KCNJ6: variants seen among roughly 807,000 people sequenced by gnomAD.
KCNJ6 encodes potassium inwardly rectifying channel subfamily J member 6, also known as G protein-activated inward rectifier potassium channel 2.
In KCNJ6, 9 loss-of-function variants were observed where a neutral mutation model predicts 34.2. The observed-to-expected ratio is 0.26, with a 90% CI of 0.16 to 0.46. The LOEUF (loss-of-function observed/expected upper bound fraction) is 0.46, where lower values mean the gene tolerates loss of function less well. Ranked by LOEUF, KCNJ6 falls within the 20% of genes least tolerant of loss-of-function variation. The pLI, the probability that KCNJ6 is intolerant of heterozygous loss-of-function variation, is 1.00. For missense variants in KCNJ6, 236 were observed against 531.3 expected, an observed-to-expected ratio of 0.44 and a Z score of 5.46; for synonymous variants, 196 against 207.1, an observed-to-expected ratio of 0.95 and a Z score of 0.46.
intron 3 of KCNJ6, among the ~76,000 whole-genome samples, chr21:37,636,495 T>C (rs905154352): frequency 5.3e-5 from 8 of 152,220 alleles, no homozygotes; most frequent in African/African-American, 1.9e-4. Flanking sequence ...TAGTTATTCT[T>C]CCAAGAGTTA....
intron 2 of KCNJ6, among the ~76,000 whole-genome samples, chr21:37,816,978 G>T (rs919844332): frequency 6.6e-6 from 1 of 152,122 alleles, no homozygotes; most frequent in Non-Finnish European, 1.5e-5. Flanking sequence ...CATGTTTTTG[G>T]ATCCTTGATG....
chr21:37,729,662 G>A (rs1446143175), intron 2 of KCNJ6, among the ~76,000 whole-genome samples: 2 of 152,336 alleles, frequency 1.3e-5, no homozygotes, highest in African/African-American at 2.4e-5. Context: ...AATCAGGACT[G>A]TCTACAGTTA....
Position 37,683,497 on chromosome 21 carries a change from G to C in KCNJ6, c.946+30714C>G, listed in dbSNP as rs186999357. Among the ~76,000 whole-genome samples, 104 of 152,174 alleles carry C rather than the reference G, an allele frequency of 6.8e-4. 1 individual carries two copies. The highest frequency in any genetic ancestry group is 2.4e-3 in the African/African-American group (98 of 41,500). On this transcript the variant is annotated intron_variant, in intron 3 of 3. Coordinates refer to ENST00000609713, the MANE Select transcript of KCNJ6 (RefSeq NM_002240.5). ...TCTCTACCCTCTCTTCCTTCTTTAA[G>C]CCCACTGGCTTCTTTAGTTTTTATT...
intron 1 of KCNJ6, among the ~76,000 whole-genome samples, chr21:37,881,390 T>C (rs1017176354): frequency 2.0e-5 from 3 of 152,146 alleles, no homozygotes; most frequent in African/African-American, 7.2e-5. Context: ...CAGGGGTCAG[T>C]TCCTGGTAAG....
At chr21:37,732,908 T>G (rs1178095038) in intron 2 of KCNJ6, among the ~76,000 whole-genome samples, 1 of 152,124 alleles carries the variant, frequency 6.6e-6, no homozygotes, top group Non-Finnish European at 1.5e-5. Context: ...ACTCAACACC[T>G]GTTGGGTAGC....
At chr21:37,669,576 G>GTT (rs1187782462) in intron 3 of KCNJ6, among the ~76,000 whole-genome samples, 1 of 90,724 alleles carries the variant, frequency 1.1e-5, no homozygotes, top group Non-Finnish European at 2.1e-5. Flanking sequence ...GTCTGTGTGT[G>GTT]TTGTGTGTGT....
chr21:37,627,810 G>GGA (rs2054317931), intron 3 of KCNJ6, among the ~76,000 whole-genome samples: 1 of 72,118 alleles, frequency 1.4e-5, no homozygotes, highest in Non-Finnish European at 2.9e-5. Context: ...GAAGGTTAAT[G>GGA]CAGTTGTAAA....
chr21:37,916,203 G>C lies in KCNJ6; in HGVS notation c.-347C>G, dbSNP rs1299642035. On this transcript the variant is annotated 5_prime_UTR_variant, in exon 1 of 4. Transcript: ENST00000609713. ...CCCTCTGGCCGAGCGCGGAGAGCAG[G>C]GCTGGGCGCTGGGGCCAAGGGAGGG... is the stretch of plus-strand genomic sequence containing the variant. 1 of 152,182 alleles carries C rather than the reference G, an allele frequency of 6.6e-6. No homozygotes were observed. Among genetic ancestry groups the C allele is most frequent in the Non-Finnish European group, 1.5e-5 (1 of 68,112 alleles). 9.4% of individuals were successfully genotyped at this position (152,182 alleles called of 1,614,324 possible). A position where few individuals can be genotyped will look rare whatever the true frequency, so the allele number is the denominator to read the frequency against.
At chr21:37,915,038 C>T (rs919278395) in intron 1 of KCNJ6, among the ~76,000 whole-genome samples, 17 of 152,034 alleles carry the variant, frequency 1.1e-4, no homozygotes, top group African/African-American at 4.1e-4. Flanking sequence ...TATATTTTCC[C>T]CCTGACAATC....
chr21:37,657,373 G>T (rs574272939), intron 3 of KCNJ6, among the ~76,000 whole-genome samples: 2 of 152,158 alleles, frequency 1.3e-5, no homozygotes, highest in South Asian at 4.1e-4. Flanking sequence ...CCCCATTTGT[G>T]CTCTTGTTCT....
chr21:37,793,545 CAAAAAAAAAAAAA>C (rs954872713), intron 2 of KCNJ6, among the ~76,000 whole-genome samples: 2 of 19,870 alleles, frequency 1.0e-4, no homozygotes. Context: ...GACTCCATCT[CAAAAAAAAAAAAA>C]AAAAAAAAAA....
At chr21:37,872,370 A>G (rs2055656808) in intron 1 of KCNJ6, among the ~76,000 whole-genome samples, 1 of 152,150 alleles carries the variant, frequency 6.6e-6, no homozygotes, top group Admixed American at 6.5e-5. Flanking sequence ...AGTTGCCTGG[A>G]GTCTGGATCT....
intron 2 of KCNJ6, among the ~76,000 whole-genome samples, chr21:37,795,019 C>G (rs1387402803): frequency 6.6e-6 from 1 of 152,126 alleles, no homozygotes; most frequent in African/African-American, 2.4e-5. Flanking sequence ...TTCCCTAGCT[C>G]TTAGAGACAG....
chr21:37,662,626 G>A (rs137943755), intron 3 of KCNJ6, among the ~76,000 whole-genome samples: 15,982 of 152,170 alleles, frequency 0.11, 1,514 homozygotes, highest in African/African-American at 0.25. Flanking sequence ...TATATACCCA[G>A]TAATGCGATT....
At chr21:37,834,542 G>A (rs1252239753) in intron 2 of KCNJ6, among the ~76,000 whole-genome samples, 1 of 152,240 alleles carries the variant, frequency 6.6e-6, no homozygotes. Flanking sequence ...TGCGCCTGGT[G>A]CAGGCAGGAA....
At chr21:37,808,779 A>G (rs528856239) in intron 2 of KCNJ6, among the ~76,000 whole-genome samples, 1 of 152,332 alleles carries the variant, frequency 6.6e-6, no homozygotes, top group East Asian at 1.9e-4. Context: ...CAAGACTTCA[A>G]GCTTCTTTAT....
At position 37,618,983 on chromosome 21, in the gene KCNJ6, C is replaced by T. The variant is rs1006439950; in HGVS notation, c.*6176G>A. ...TTCCTCCCACTTAGTTGTTTCCTCCCACTCTTCCATGCAGTTGAAGGGTCA... is the reference window on the plus strand; with the variant it reads ...TTCCTCCCACTTAGTTGTTTCCTCCTACTCTTCCATGCAGTTGAAGGGTCA... On this transcript the variant is annotated 3_prime_UTR_variant, in exon 4 of 4. Transcript: ENST00000609713. The T allele has an allele frequency of 2.6e-5, 4 of 152,298 alleles. No homozygotes were observed. The highest frequency in any genetic ancestry group is 1.9e-4 in the East Asian group (1 of 5,178). The allele number at this position is 152,298 out of a possible 1,614,324, so 9.4% of individuals were successfully genotyped here. A position where few individuals can be genotyped will look rare whatever the true frequency, so the allele number is the denominator to read the frequency against.
intron 1 of KCNJ6, among the ~76,000 whole-genome samples, chr21:37,902,143 T>C (rs2055819849): frequency 6.6e-6 from 1 of 152,258 alleles, no homozygotes. Flanking sequence ...TGAAGATCTT[T>C]AAGGCAACCC....
intron 2 of KCNJ6, among the ~76,000 whole-genome samples, chr21:37,802,948 G>A (rs527539783): frequency 2.0e-5 from 3 of 152,220 alleles, no homozygotes; most frequent in Admixed American, 2.0e-4. Flanking sequence ...AGGATCCTCT[G>A]CCCTAGGTAT....
Sources: gnomAD v4.1 joint callset for allele counts (sites outside exome capture counted in the v4.1 genomes callset) on GRCh38, gnomAD v4.1.1 for gene constraint, MANE v1.5 for transcripts, NCBI Gene and HGNC (gene_info 2026-07-23, HGNC 2026-07-21) for gene names.